The following ZNF385D variants were observed in gnomAD, a reference collection of about 807,000 sequenced individuals.
ZNF385D encodes zinc finger protein 385D, also known as zinc finger protein 659.
ZNF385D carries 15 observed loss-of-function variants against 35.8 expected under a neutral mutation model. The ratio of observed to expected loss-of-function variants is 0.42; its 90% CI spans 0.28 to 0.64. The LOEUF (loss-of-function observed/expected upper bound fraction) is 0.64, where lower values mean the gene tolerates loss of function less well. Ranked by LOEUF, ZNF385D falls within the 30% of genes least tolerant of loss-of-function variation. The pLI is 0.23. For synonymous variants in ZNF385D, 212 were observed against 186.8 expected (o/e 1.13, Z -1.10); for missense variants, 474 against 494.6 (o/e 0.96, Z 0.39).
At chr3:21,734,938 A>AG (rs35562357) in intron 1 of ZNF385D, among the ~76,000 whole-genome samples, 26,137 of 152,110 alleles carry the variant, frequency 0.17, 2,457 homozygotes, top group South Asian at 0.29. Flanking sequence ...GAATGGAATG[A>AG]GGGAGACTTG....
Position 21,601,748 on chromosome 3 carries a change from G to C in ZNF385D, c.166-37064C>G, listed in dbSNP as rs554137632. On this transcript the variant is annotated intron_variant, in intron 2 of 7. Transcript: ENST00000281523. ...CTTTTTCGTTAGTGATAAAGACATCGTCACCCTTTGAGATGATTTTAGCAG... is the reference window on the plus strand; with the variant it reads ...CTTTTTCGTTAGTGATAAAGACATCCTCACCCTTTGAGATGATTTTAGCAG... Among the ~76,000 whole-genome samples, 115 of 152,204 alleles carry C rather than the reference G, an allele frequency of 7.6e-4. 1 individual carries two copies. Among genetic ancestry groups the C allele is most frequent in the Admixed American group, 1.8e-3 (28 of 15,290 alleles).
At chr3:22,372,445 C>T in intron 2 of ZNF385D, 1 of 985,948 alleles carries the variant, frequency 1.0e-6, no homozygotes, top group Non-Finnish European at 1.2e-6. Flanking sequence ...TTGCACTCAA[C>T]TTACCGCGGC....
chr3:21,982,469 G>T (rs563388944), intron 3 of ZNF385D, among the ~76,000 whole-genome samples: 117 of 152,096 alleles, frequency 7.7e-4, no homozygotes, highest in Non-Finnish European at 1.3e-3. Context: ...TTTATCAGTG[G>T]GAGGAGCTTT....
intron 2 of ZNF385D, among the ~76,000 whole-genome samples, chr3:21,567,861 G>A (rs1309548073): frequency 6.6e-6 from 1 of 152,064 alleles, no homozygotes; most frequent in East Asian, 1.9e-4. Context: ...ACACTGGGGA[G>A]GCAGTGACCA....
In ZNF385D at chr3:21,560,172, C is replaced by G. The variant is rs180934010; in HGVS notation, c.276+4402G>C. ...AGCCTACTTCTGTCAATTCGTCAAA[C>G]TCATTCTGCATCCTGTTTTGTTCTC... On this transcript the variant is annotated intron_variant, in intron 3 of 7. Transcript: ENST00000281523. Among the ~76,000 whole-genome samples the G allele has an allele frequency of 2.0e-5, 3 of 152,286 alleles. No homozygotes were observed. In the East Asian group the frequency reaches 5.8e-4, roughly 29 times the overall value.
chr3:22,326,251 G>A (rs369421301), intron 2 of ZNF385D, among the ~76,000 whole-genome samples: 6 of 152,132 alleles, frequency 3.9e-5, no homozygotes, highest in East Asian at 1.9e-4. Context: ...AATCAAAGTT[G>A]TTGTCTATGT....
intron 2 of ZNF385D, among the ~76,000 whole-genome samples, chr3:21,654,015 T>C (rs1335687463): frequency 2.6e-5 from 4 of 152,066 alleles, no homozygotes; most frequent in African/African-American, 9.7e-5. Context: ...TGATTATTTT[T>C]CTATGTGATT....
chr3:21,559,604 A>G (rs2062866722), intron 3 of ZNF385D, among the ~76,000 whole-genome samples: 1 of 151,796 alleles, frequency 6.6e-6, no homozygotes, highest in African/African-American at 2.4e-5. Flanking sequence ...TTTTTCCTTC[A>G]TTTCAACCTT....
intron 3 of ZNF385D, among the ~76,000 whole-genome samples, chr3:22,131,993 G>T (rs1703823659): frequency 6.6e-6 from 1 of 152,172 alleles, no homozygotes; most frequent in Non-Finnish European, 1.5e-5. Context: ...CTGTAGGGGT[G>T]CAGGCCTGAA....
intron 2 of ZNF385D, among the ~76,000 whole-genome samples, chr3:22,199,762 A>C (rs2125240352): frequency 6.6e-6 from 1 of 152,228 alleles, no homozygotes; most frequent in Non-Finnish European, 1.5e-5. Flanking sequence ...GCTAACTGTA[A>C]GGCCAAAAAC....
chr3:22,131,523 C>T (rs149124402), intron 3 of ZNF385D, among the ~76,000 whole-genome samples: 4 of 151,742 alleles, frequency 2.6e-5, no homozygotes, highest in African/African-American at 9.7e-5. Flanking sequence ...ATGAGAAATA[C>T]CCAGTAGAGA....
In ZNF385D at chr3:22,364,675, A is replaced by C. The variant is rs1205819012; in HGVS notation, c.106+7775T>G. Among the ~76,000 whole-genome samples, 4 of 152,150 alleles carry C rather than the reference A, an allele frequency of 2.6e-5. No individual in the cohort carries two copies. In the East Asian group the frequency reaches 7.7e-4, roughly 29 times the overall value. On this transcript the variant is annotated intron_variant, in intron 2 of 5. Transcript: ENST00000494108. ...AATATAAAATGTACAGCCACTGTGG[A>C]AACAGTATGGCAGTTCCTCTAAGTA... is the stretch of plus-strand genomic sequence containing the variant.
At chr3:22,247,068 T>C (rs1491885) in intron 2 of ZNF385D, among the ~76,000 whole-genome samples, 1,898 of 152,256 alleles carry the variant, frequency 0.012, 37 homozygotes, top group African/African-American at 0.043. Context: ...CACATGCAGT[T>C]TCACTTGTTC....
At chr3:21,913,104 A>T (rs983697398) in intron 3 of ZNF385D, among the ~76,000 whole-genome samples, 33 of 152,066 alleles carry the variant, frequency 2.2e-4, no homozygotes, top group Non-Finnish European at 4.3e-4. Context: ...ACCAAATTGA[A>T]TCTTTTGGCT....
At chr3:21,624,584 G>A (rs1358476913) in intron 2 of ZNF385D, among the ~76,000 whole-genome samples, 16 of 151,988 alleles carry the variant, frequency 1.1e-4, no homozygotes, top group Admixed American at 1.1e-3. Flanking sequence ...GGAAATCCGG[G>A]CAGCTGGGAA....
At chr3:21,562,572 T>G (rs954081236) in intron 3 of ZNF385D, among the ~76,000 whole-genome samples, 5 of 152,152 alleles carry the variant, frequency 3.3e-5, no homozygotes, top group African/African-American at 1.2e-4. Flanking sequence ...AAGAGAATAT[T>G]GACAGTGAAA....
intron 2 of ZNF385D, among the ~76,000 whole-genome samples, chr3:22,369,321 T>C (rs1379825173): frequency 1.3e-5 from 2 of 152,156 alleles, no homozygotes; most frequent in African/African-American, 4.8e-5. Context: ...AGAAAATACA[T>C]ACATGTGATT....
At chr3:21,887,884 G>T (rs987666501) in intron 3 of ZNF385D, among the ~76,000 whole-genome samples, 7 of 152,036 alleles carry the variant, frequency 4.6e-5, no homozygotes, top group Admixed American at 1.3e-4. Context: ...AAATACTGTT[G>T]TTTCTGAATT....
intron 3 of ZNF385D, among the ~76,000 whole-genome samples, chr3:21,796,513 A>C (rs1223372801): frequency 1.3e-5 from 2 of 152,210 alleles, no homozygotes. Context: ...TCATCACATC[A>C]ACAAAAGCTG....
Sources: gnomAD v4.1 joint callset for allele counts (sites outside exome capture counted in the v4.1 genomes callset) on GRCh38, gnomAD v4.1.1 for gene constraint, MANE v1.5 for transcripts, NCBI Gene and HGNC (gene_info 2026-07-23, HGNC 2026-07-21) for gene names.